The following MTMR8 variants were observed in gnomAD, a reference collection of about 807,000 sequenced individuals.
MTMR8 encodes myotubularin related protein 8.
A neutral mutation model predicts 39.3 loss-of-function variants in MTMR8; 65 were observed. The observed-to-expected ratio is 1.65, with a 90% CI of 1.35 to 2.03. The LOEUF is 2.03. Ranked by LOEUF, MTMR8 falls within the 30% of genes most tolerant of loss-of-function variation. The pLI is 0.00. For missense variants in MTMR8, 777 were observed against 538.9 expected (o/e 1.44, Z -4.37); for synonymous variants, 245 against 185.2 (o/e 1.32, Z -2.62).
chrX:64,337,405 A>G lies in MTMR8; in HGVS notation c.976-12T>C. ...TCTACCTTCACTGCCTGTGAAGACA[A>G]GAGGCAAAAAAGTACCACAAGCAAC... On this transcript the variant is annotated splice_polypyrimidine_tract_variant and intron_variant, in intron 8 of 13. Coordinates refer to ENST00000374852, the MANE Select transcript of MTMR8 (RefSeq NM_017677.4). 8.3e-7 allele frequency: 1 copy of G among 1,205,495 alleles called. No individual in the cohort carries two copies.
chrX:64,361,695 T>A (rs1923784731), intron 1 of MTMR8, among the ~76,000 whole-genome samples: 1 of 111,461 alleles, frequency 9.0e-6, no homozygotes, highest in Admixed American at 9.5e-5. Context: ...TTGGTAAAAA[T>A]TATATACAAA....
At chrX:64,324,117 C>CT (rs1244445101) in intron 12 of MTMR8, among the ~76,000 whole-genome samples, 1 of 112,566 alleles carries the variant, frequency 8.9e-6, no homozygotes, top group East Asian at 2.8e-4. Context: ...AATCCCAGCA[C>CT]TTTTGGGGGG....
At chrX:64,342,528 T>G (rs1923245989) in intron 8 of MTMR8, among the ~76,000 whole-genome samples, 1 of 112,478 alleles carries the variant, frequency 8.9e-6, no homozygotes. Flanking sequence ...CTCACTCTCT[T>G]TGGTCTAATA....
chrX:64,383,476 A>G (rs937156875), intron 1 of MTMR8, among the ~76,000 whole-genome samples: 3 of 109,027 alleles, frequency 2.8e-5, no homozygotes, highest in Non-Finnish European at 5.7e-5. Context: ...AATTTATTAT[A>G]TATTATATAA....
rs145085079 is a variant in MTMR8, at chrX:64,356,301, G to C, written c.185C>G (p.Pro62Arg). 1.7e-6 allele frequency: 2 copies of C among 1,208,081 alleles called. No individual in the cohort carries two copies. The highest frequency in any genetic ancestry group is 2.2e-6 in the Non-Finnish European group (2 of 894,195). Residue 62 changes from proline (P) to arginine (R), a missense_variant, in exon 3 of 14, where the codon CCC becomes CGC. Coordinates refer to ENST00000374852, the MANE Select transcript of MTMR8 (RefSeq NM_017677.4). ...LHHIATVEKL[P>R]ITSLGCPLTL... ...CAGGGGACAACCCAGGCTAGTGATG[G>C]GTAACTTCTCCACAGTGGCAATGTG...
intron 8 of MTMR8, among the ~76,000 whole-genome samples, chrX:64,338,259 T>C (rs959573730): frequency 5.4e-5 from 6 of 111,879 alleles, no homozygotes; most frequent in African/African-American, 2.0e-4. Context: ...AGAGGCACTA[T>C]GATGTGCATT....
rs1931666299 is a variant in MTMR8, at chrX:64,268,134, C to A, written c.*403G>T. ...TTCACAGTTACCTGCTGTATACCATCTCTCCATACCCTCAAAAGGGTCATT... is the reference window on the plus strand; with the variant it reads ...TTCACAGTTACCTGCTGTATACCATATCTCCATACCCTCAAAAGGGTCATT... On this transcript the variant is annotated 3_prime_UTR_variant, in exon 14 of 14. Transcript: ENST00000374852. The A allele has an allele frequency of 7.3e-6, 1 of 137,642 alleles. No individual in the cohort carries two copies. The highest frequency in any genetic ancestry group is 3.0e-4 in the South Asian group (1 of 3,333). 11.3% of individuals were successfully genotyped at this position (137,642 alleles called of 1,213,427 possible).
chrX:64,388,974 G>T (rs1924630393), intron 1 of MTMR8, among the ~76,000 whole-genome samples: 1 of 111,795 alleles, frequency 8.9e-6, no homozygotes, highest in Non-Finnish European at 1.9e-5. Flanking sequence ...TCATTTTATT[G>T]AAGCACTATA....
At chrX:64,304,214 A>G (rs927523371) in intron 12 of MTMR8, among the ~76,000 whole-genome samples, 1 of 112,234 alleles carries the variant, frequency 8.9e-6, no homozygotes, top group African/African-American at 3.2e-5. Context: ...AATAGAAAAC[A>G]TAAGTTGCAG....
At chrX:64,298,564 C>A (rs1441254536) in intron 12 of MTMR8, among the ~76,000 whole-genome samples, 2 of 86,814 alleles carry the variant, frequency 2.3e-5, no homozygotes, top group Non-Finnish European at 3.9e-5. Context: ...ATTGAATACC[C>A]TTTATTTCCT....
chrX:64,380,822 C>T (rs1359948785), intron 1 of MTMR8, among the ~76,000 whole-genome samples: 2 of 111,390 alleles, frequency 1.8e-5, no homozygotes, highest in East Asian at 2.8e-4. Context: ...TCAATTCCCA[C>T]CTATCAGTGA....
intron 12 of MTMR8, among the ~76,000 whole-genome samples, chrX:64,312,021 T>A (rs1922319867): frequency 9.0e-6 from 1 of 111,194 alleles, no homozygotes; most frequent in South Asian, 3.8e-4. Flanking sequence ...TTTAAAGCAG[T>A]TTTTTCCAAT....
At chrX:64,270,535 TG>T (rs1931736864) in intron 13 of MTMR8, among the ~76,000 whole-genome samples, 1 of 112,476 alleles carries the variant, frequency 8.9e-6, no homozygotes, top group Non-Finnish European at 1.9e-5. Flanking sequence ...GCAGTTTACA[TG>T]GGAAGGAAAT....
chrX:64,366,216 G>A (rs1482777776), intron 1 of MTMR8, among the ~76,000 whole-genome samples: 1 of 111,280 alleles, frequency 9.0e-6, no homozygotes, highest in Non-Finnish European at 1.9e-5. Context: ...AGGTTAAAAA[G>A]GATATCCAGG....
At chrX:64,285,338 C>A (rs914090845) in intron 12 of MTMR8, among the ~76,000 whole-genome samples, 2 of 111,140 alleles carry the variant, frequency 1.8e-5, no homozygotes, top group Admixed American at 1.9e-4. Flanking sequence ...CCTTAGAGAC[C>A]TATAAAGAGA....
At chrX:64,317,884 G>C (rs1922515715) in intron 12 of MTMR8, among the ~76,000 whole-genome samples, 1 of 112,192 alleles carries the variant, frequency 8.9e-6, no homozygotes, top group Admixed American at 9.4e-5. Context: ...ACTTGAGTTG[G>C]GGAGGTGCCC....
intron 2 of MTMR8, among the ~76,000 whole-genome samples, chrX:64,358,031 G>A (rs1340833754): frequency 9.0e-6 from 1 of 111,495 alleles, no homozygotes; most frequent in African/African-American, 3.3e-5. Flanking sequence ...CAGTCCACTG[G>A]GTTTGAAATA....
At chrX:64,375,623 T>C (rs771845407) in intron 1 of MTMR8, among the ~76,000 whole-genome samples, 12 of 111,103 alleles carry the variant, frequency 1.1e-4, no homozygotes, top group Admixed American at 3.8e-4. Context: ...TAAATGGGAT[T>C]AGTGCTCTTA....
At chrX:64,281,146 G>A (rs1366899830) in intron 12 of MTMR8, among the ~76,000 whole-genome samples, 1 of 111,395 alleles carries the variant, frequency 9.0e-6, no homozygotes, top group African/African-American at 3.3e-5. Context: ...GAGATTCAAT[G>A]CTCTTCCCAT....
Sources: gnomAD v4.1 joint callset for allele counts (sites outside exome capture counted in the v4.1 genomes callset) on GRCh38, gnomAD v4.1.1 for gene constraint, MANE v1.5 for transcripts, NCBI Gene and HGNC (gene_info 2026-07-23, HGNC 2026-07-21) for gene names.